The following PRPSAP1 variants were observed in gnomAD, a reference collection of about 807,000 sequenced individuals.
The protein encoded by PRPSAP1 is phosphoribosyl pyrophosphate synthetase associated protein 1.
In PRPSAP1, 31 loss-of-function variants were observed where a neutral mutation model predicts 39.4. The observed-to-expected ratio is 0.79, with a 90% confidence interval of 0.59 to 1.06. PRPSAP1 has a LOEUF of 1.06. Ranked by LOEUF, PRPSAP1 falls within the 50% of genes least tolerant of loss-of-function variation. PRPSAP1 has a pLI of 0.00. For synonymous variants in PRPSAP1, 212 were observed against 192.6 expected, an observed-to-expected ratio of 1.10 and a Z score of -0.83; for missense variants, 430 against 511.6, an observed-to-expected ratio of 0.84 and a Z score of 1.54.
At chr17:76,315,177 A>G (rs2071109821) in intron 7 of PRPSAP1, among the ~76,000 whole-genome samples, 1 of 152,252 alleles carries the variant, frequency 6.6e-6, no homozygotes, top group Non-Finnish European at 1.5e-5. Flanking sequence ...CTATGAGTGT[A>G]CAAAGGAAAC....
chr17:76,317,925 ACTTCT>A (rs2071142270), intron 7 of PRPSAP1, among the ~76,000 whole-genome samples: 1 of 152,058 alleles, frequency 6.6e-6, no homozygotes. Flanking sequence ...CATTCATACA[ACTTCT>A]CTTTTAACAA....
intron 7 of PRPSAP1, among the ~76,000 whole-genome samples, chr17:76,317,547 T>A (rs892060442): frequency 6.6e-6 from 1 of 152,056 alleles, no homozygotes; most frequent in African/African-American, 2.4e-5. Flanking sequence ...ATAAATTAGA[T>A]GAGTAAATAA....
In PRPSAP1 at chr17:76,348,564, A is replaced by G; in HGVS notation, c.188T>C (p.Leu63Ser). The G allele has an allele frequency of 6.5e-7, 1 of 1,530,278 alleles. No homozygotes were observed. Among genetic ancestry groups the G allele is most frequent in the Non-Finnish European group, 8.7e-7 (1 of 1,150,058 alleles). 94.8% of individuals were successfully genotyped at this position (1,530,278 alleles called of 1,614,324 possible). Residue 63 changes from leucine to serine, a missense_variant, in exon 2 of 10, where the codon TTG (leucine) becomes TCG (serine). Transcript: ENST00000446526. ...CTCTTGATATACAACAGACTTCCCC[A>G]ATTCAGCACCAAGGCGCCTATAGAT... ...KRITERLGAE[L>S]GKSVVYQETN... is the part of the protein sequence containing the mutation.
At chr17:76,323,940 G>A (rs576448527) in intron 7 of PRPSAP1, among the ~76,000 whole-genome samples, 1 of 152,032 alleles carries the variant, frequency 6.6e-6, no homozygotes, top group South Asian at 2.1e-4. Flanking sequence ...GAGGTCAGGA[G>A]TTCGAGACCA....
chr17:76,313,421 G>A (rs1034311428), intron 8 of PRPSAP1: 1 of 239,254 alleles, frequency 4.2e-6, no homozygotes, highest in Non-Finnish European at 8.1e-6. Flanking sequence ...GATATTTAGA[G>A]CTGGGAAAAA....
intron 3 of PRPSAP1, among the ~76,000 whole-genome samples, chr17:76,339,645 T>A (rs1018567486): frequency 2.0e-5 from 3 of 151,584 alleles, no homozygotes; most frequent in Non-Finnish European, 4.4e-5. Flanking sequence ...CAAATACACA[T>A]AAAGAAACTT....
At chr17:76,326,572 G>C (rs550609969) in intron 7 of PRPSAP1, among the ~76,000 whole-genome samples, 1 of 152,182 alleles carries the variant, frequency 6.6e-6, no homozygotes, top group African/African-American at 2.4e-5. Flanking sequence ...AATTAAGGGA[G>C]AGTCTACAAA....
intron 7 of PRPSAP1, among the ~76,000 whole-genome samples, chr17:76,326,331 T>C (rs1198917769): frequency 6.6e-6 from 1 of 152,198 alleles, no homozygotes; most frequent in East Asian, 1.9e-4. Flanking sequence ...GATGTTCATT[T>C]TGATGAGAAG....
chr17:76,321,905 T>G (rs991549537), intron 7 of PRPSAP1, among the ~76,000 whole-genome samples: 11 of 152,088 alleles, frequency 7.2e-5, no homozygotes, highest in Non-Finnish European at 1.6e-4. Context: ...TTGAGTGATC[T>G]GGATAGATCA....
chr17:76,339,493 CCTGT>C (rs1202228154), intron 3 of PRPSAP1, among the ~76,000 whole-genome samples: 2 of 151,950 alleles, frequency 1.3e-5, no homozygotes, highest in African/African-American at 4.9e-5. Context: ...ACACATCCAA[CCTGT>C]CTTTTTTCCA....
intron 7 of PRPSAP1, 49 bp from the exon 8 acceptor site, chr17:76,313,940 A>G (rs764422314): frequency 6.3e-7 from 1 of 1,591,540 alleles, no homozygotes; most frequent in South Asian, 1.1e-5. Flanking sequence ...ATGTATCACT[A>G]GAGAAATGTA....
upstream of PRPSAP1, chr17:76,354,083 T>C (rs957306985): frequency 9.6e-7 from 1 of 1,040,936 alleles, no homozygotes; most frequent in Non-Finnish European, 1.2e-6. Flanking sequence ...ACGGGAGCTC[T>C]TTCGGTCTCA....
Position 76,353,825 on chromosome 17 carries a change from C to T in PRPSAP1, c.-122G>A, listed in dbSNP as rs150684296. Reference sequence around the variant, plus strand: ...AGAAACTCGGCGCAAGCGGGGAGAGCTCCGAGGTCCGTGCCCTTGCGCACC... The same window carrying T: ...AGAAACTCGGCGCAAGCGGGGAGAGTTCCGAGGTCCGTGCCCTTGCGCACC... On this transcript the variant is annotated 5_prime_UTR_variant, in exon 1 of 10. Transcript: ENST00000446526. 212 of 1,383,624 alleles carry T rather than the reference C, an allele frequency of 1.5e-4. No individual in the cohort carries two copies. The highest frequency in any genetic ancestry group is 2.8e-4 in the Admixed American group (8 of 28,248). The allele number at this position is 1,383,624 out of a possible 1,614,324, so 85.7% of individuals were successfully genotyped here.
At chr17:76,333,088 TCA>T (rs935460311) in intron 3 of PRPSAP1, among the ~76,000 whole-genome samples, 23 of 151,912 alleles carry the variant, frequency 1.5e-4, no homozygotes, top group Middle Eastern at 3.4e-3. Context: ...AGACGGGGTT[TCA>T]CCATGTTAGC....
At chr17:76,320,765 C>G (rs1437181267) in intron 7 of PRPSAP1, among the ~76,000 whole-genome samples, 2 of 147,456 alleles carry the variant, frequency 1.4e-5, no homozygotes, top group East Asian at 4.0e-4. Flanking sequence ...TCAAGCAAGT[C>G]TATGGGAGCC....
intron 7 of PRPSAP1, chr17:76,314,120 C>T (rs1318029553): frequency 1.8e-6 from 1 of 544,404 alleles, no homozygotes; most frequent in Non-Finnish European, 3.3e-6. Flanking sequence ...CTAGTAGCCA[C>T]ATTAAAAACA....
chr17:76,337,451 CT>C (rs973706477), intron 3 of PRPSAP1: 1 of 147,808 alleles, frequency 6.8e-6, no homozygotes, highest in Non-Finnish European at 1.5e-5. Flanking sequence ...CAACAACAAA[CT>C]AACCTGAGAT....
chr17:76,318,774 T>C (rs1195216013), intron 7 of PRPSAP1, among the ~76,000 whole-genome samples: 1 of 152,186 alleles, frequency 6.6e-6, no homozygotes, highest in Non-Finnish European at 1.5e-5. Flanking sequence ...AGTAATGCAC[T>C]CTTTTCCTAT....
chr17:76,339,455 T>C (rs932203358), intron 3 of PRPSAP1, among the ~76,000 whole-genome samples: 1 of 151,802 alleles, frequency 6.6e-6, no homozygotes, highest in African/African-American at 2.4e-5. Context: ...AATAACCTTC[T>C]TTATGGGCTG....
Sources: gnomAD v4.1 joint callset for allele counts (sites outside exome capture counted in the v4.1 genomes callset) on GRCh38, gnomAD v4.1.1 for gene constraint, MANE v1.5 for transcripts, NCBI Gene and HGNC (gene_info 2026-07-23, HGNC 2026-07-21) for gene names.